UCKL1: variants seen among roughly 807,000 people sequenced by gnomAD.
The protein encoded by UCKL1 is uridine-cytidine kinase-like 1.
In UCKL1, 65 loss-of-function variants were observed where a neutral mutation model predicts 59.2. The observed-to-expected ratio is 1.10, with a 90% CI of 0.90 to 1.35. UCKL1 has a LOEUF of 1.35. Among genes scored for constraint, UCKL1 ranks in the 40% most tolerant of loss-of-function variants. UCKL1 has a pLI of 0.00. For missense variants in UCKL1, 703 were observed against 784.3 expected, an observed-to-expected ratio of 0.90 and a Z score of 1.24; for synonymous variants, 410 against 323.1, an observed-to-expected ratio of 1.27 and a Z score of -2.88.
chr20:63,941,822 G>A (rs1056367185), intron 8 of UCKL1, among the ~76,000 whole-genome samples: 1 of 151,886 alleles, frequency 6.6e-6, no homozygotes, highest in South Asian at 2.1e-4. Context: ...CAGGGAGGAG[G>A]CAAAGCCGGA....
At chr20:63,949,756 C>T (rs891067172) in intron 1 of UCKL1, among the ~76,000 whole-genome samples, 3 of 152,256 alleles carry the variant, frequency 2.0e-5, no homozygotes, top group Non-Finnish European at 4.4e-5. Flanking sequence ...GGGAGGAAGC[C>T]CCGACACAAT....
Position 63,943,805 on chromosome 20 carries a change from C to T in UCKL1, c.907-136G>A, listed in dbSNP as rs7261355. The T allele has an allele frequency of 1.3e-4, 164 of 1,256,048 alleles. No individual in the cohort carries two copies. The African/African-American group carries it at 2.2e-3, about 17-fold the overall frequency. The allele number at this position is 1,256,048 out of a possible 1,614,324, so 77.8% of individuals were successfully genotyped here. A position where few individuals can be genotyped will look rare whatever the true frequency, so the allele number is the denominator to read the frequency against. On this transcript the variant is annotated intron_variant, in intron 7 of 14. Coordinates refer to ENST00000354216, the MANE Select transcript of UCKL1 (RefSeq NM_017859.4). ...ACAGCCAGCCATGGGGGGTGGCAAG[C>T]TTCTAATGCCTGTAACCTGGGGACC...
At chr20:63,952,511 G>A (rs914730390) in intron 1 of UCKL1, among the ~76,000 whole-genome samples, 1 of 152,154 alleles carries the variant, frequency 6.6e-6, no homozygotes. Context: ...GGCAGGGAGG[G>A]GCCGCTCACG....
chr20:63,950,861 G>A, intron 1 of UCKL1: 1 of 1,482,128 alleles, frequency 6.7e-7, no homozygotes, highest in Non-Finnish European at 8.9e-7. Context: ...CTGAACAGCA[G>A]AGTGGCCCCA....
intron 1 of UCKL1, among the ~76,000 whole-genome samples, chr20:63,952,079 T>C (rs1244475270): frequency 3.3e-5 from 5 of 152,202 alleles, no homozygotes; most frequent in African/African-American, 1.2e-4. Context: ...CCGGCCCATC[T>C]GTCTGTGTCC....
In UCKL1 at chr20:63,944,552, G is replaced by GACCACGAT. The variant is rs1330876267; in HGVS notation, c.829_836dup (p.Pro280SerfsTer15). Reference sequence around the variant, plus strand: ...GCAGCCCAGCAGGCTCACCTCTGGGGACCACGATGTCTGCCAGGCGCATGG... The same window carrying GACCACGAT: ...GCAGCCCAGCAGGCTCACCTCTGGGGACCACGATACCACGATGTCTGCCAGGCGCATGG... On this transcript the variant is annotated frameshift_variant, in exon 6 of 15. Transcript: ENST00000354216. LOFTEE classifies it high-confidence loss of function. 1.2e-6 allele frequency: 2 copies of GACCACGAT among 1,610,196 alleles called. No individual in the cohort carries two copies. The highest frequency in any genetic ancestry group is 1.7e-6 in the Non-Finnish European group (2 of 1,178,752).
At position 63,945,678 on chromosome 20, in the gene UCKL1, C is replaced by T. The variant is rs747530481; in HGVS notation, c.627G>A (p.Met209Ile). The T allele has an allele frequency of 4.3e-6, 7 of 1,613,112 alleles. No homozygotes were observed. The highest frequency in any genetic ancestry group is 5.9e-6 in the Non-Finnish European group (7 of 1,179,894). Reference sequence around the variant, plus strand: ...CCAACAGTGTCTTGTCAGCAAAGGCCATGATGCCCTCAAAGATGATGACGT... The same window carrying T: ...CCAACAGTGTCTTGTCAGCAAAGGCTATGATGCCCTCAAAGATGATGACGT... ...GANVIIFEGI[M>I]AFADKTLLEL... The change falls in exon 5 of 15, where the codon ATG becomes ATA. Residue 209 changes from methionine to isoleucine, a missense_variant. By Grantham distance (10) the Met-to-Ile change is conservative. This residue lies in a region of UCKL1 where 398 missense variants were observed against 373.0 expected (regional missense o/e 1.07). Transcript: ENST00000354216.
rs1601145789 is a variant in UCKL1, at chr20:63,946,281, T to A, written c.305-14A>T. ...CGCCTCCCAAGCCTGCCGGCGGGAG[T>A]GGAGACCCTCTGTGAGGAACAGGCA... On this transcript the variant is annotated splice_polypyrimidine_tract_variant and intron_variant, in intron 2 of 14. Transcript: ENST00000354216. The A allele has an allele frequency of 1.3e-6, 2 of 1,574,238 alleles. No individual in the cohort carries two copies. The highest frequency in any genetic ancestry group is 3.7e-5 in the Admixed American group (2 of 53,802).
chr20:63,942,739 C>G (rs767555901), intron 8 of UCKL1: 5 of 479,652 alleles, frequency 1.0e-5, no homozygotes, highest in African/African-American at 2.0e-5. Context: ...GCTGACCAGA[C>G]GACGGAAAAT....
At chr20:63,941,247 C>T (rs2054307137) in intron 8 of UCKL1, 39 bp from the exon 9 acceptor site, 1 of 1,461,852 alleles carries the variant, frequency 6.8e-7, no homozygotes, top group East Asian at 2.5e-5. Flanking sequence ...AGAAGGGGGT[C>T]TTTTCCCAGA....
At chr20:63,946,896 G>A (rs1601170367) in intron 1 of UCKL1, among the ~76,000 whole-genome samples, 2 of 152,058 alleles carry the variant, frequency 1.3e-5, no homozygotes, top group South Asian at 2.1e-4. Flanking sequence ...TGGCCAACAT[G>A]GTGAAGACCC....
Position 63,956,267 on chromosome 20 carries a change from C to G in UCKL1, c.106G>C (p.Glu36Gln). 1 of 1,544,548 alleles carries G rather than the reference C, an allele frequency of 6.5e-7. No individual in the cohort carries two copies. Among genetic ancestry groups the G allele is most frequent in the Non-Finnish European group, 8.7e-7 (1 of 1,149,798 alleles). ...GGCGAGGCCCACGCCTACCGGTCCT[C>G]GCACGCGGTCTCGCTTTTCTCAGCC... ...RQAEKSETAC[E>Q]DRSNAESLDR... is the part of the protein sequence containing the mutation. The change falls in exon 1 of 15, where the codon GAG becomes CAG. Residue 36 changes from glutamate (E) to glutamine (Q), a missense_variant. Transcript: ENST00000354216.
chr20:63,943,869 G>A (rs986089730), intron 7 of UCKL1, among the ~76,000 whole-genome samples, 200 bp from the exon 8 acceptor site: 1 of 152,192 alleles, frequency 6.6e-6, no homozygotes, highest in African/African-American at 2.4e-5. Flanking sequence ...GGGGCAATCA[G>A]AGCCAGGACC....
intron 1 of UCKL1, chr20:63,956,041 C>A (rs2058598185): frequency 4.6e-6 from 2 of 432,710 alleles, no homozygotes; most frequent in South Asian, 7.2e-5. Context: ...ACTCCTTCCC[C>A]GAGCCCCGAG....
chr20:63,944,889 G>C (rs1411684296), intron 5 of UCKL1, among the ~76,000 whole-genome samples, 155 bp from the exon 6 acceptor site: 5 of 151,778 alleles, frequency 3.3e-5, no homozygotes, highest in Non-Finnish European at 7.4e-5. Context: ...GGGGAGGTGG[G>C]GGTGTCTGCA....
chr20:63,940,933 G>C lies in UCKL1; in HGVS notation c.1116+17C>G, dbSNP rs935504713. 3 of 1,520,096 alleles carry C rather than the reference G, an allele frequency of 2.0e-6. No homozygotes were observed. The African/African-American group carries it at 4.2e-5, about 21-fold the overall frequency. 94.2% of individuals were successfully genotyped at this position (1,520,096 alleles called of 1,614,324 possible). ...TCCAAGACCCACCCTCCACCTCGCG[G>C]GCTACGGGCTACGAACCTGAAAGGG... On this transcript the variant is annotated intron_variant, in intron 10 of 14. Coordinates refer to ENST00000354216, the MANE Select transcript of UCKL1 (RefSeq NM_017859.4).
At chr20:63,955,926 C>G (rs2058557146) in intron 1 of UCKL1, 1 of 209,430 alleles carries the variant, frequency 4.8e-6, no homozygotes, top group Non-Finnish European at 9.7e-6. Flanking sequence ...CAACATAGAC[C>G]AACTCGCACA....
chr20:63,952,035 T>C (rs1268646715), intron 1 of UCKL1, among the ~76,000 whole-genome samples: 1 of 152,158 alleles, frequency 6.6e-6, no homozygotes, highest in Admixed American at 6.5e-5. Flanking sequence ...TCCTCAATAG[T>C]AGGCCACTCC....
intron 5 of UCKL1, 120 bp from the exon 6 acceptor site, chr20:63,944,854 G>A (rs2055708620): frequency 5.5e-6 from 7 of 1,274,244 alleles, no homozygotes; most frequent in Non-Finnish European, 6.5e-6. Context: ...ACTTCCCCAG[G>A]GCACCCTGGC....
Sources: gnomAD v4.1 joint callset for allele counts (sites outside exome capture counted in the v4.1 genomes callset) on GRCh38, gnomAD v4.1.1 for gene constraint, gnomAD v4.1.1 regional missense constraint, MANE v1.5 for transcripts, NCBI Gene and HGNC (gene_info 2026-07-23, HGNC 2026-07-21) for gene names.